Variants in PDE7B observed in about 807,000 individuals in gnomAD.
PDE7B encodes the protein phosphodiesterase 7B.
PDE7B carries 29 observed loss-of-function variants against 56.2 expected under a neutral mutation model. The observed-to-expected ratio is 0.52, with a 90% CI of 0.38 to 0.70. The LOEUF is 0.70. Ranked by LOEUF, PDE7B falls within the 30% of genes least tolerant of loss-of-function variation. PDE7B has a pLI of 0.00. For missense variants in PDE7B, 490 were observed against 565.0 expected (o/e 0.87, Z 1.35); for synonymous variants, 197 against 196.9 (o/e 1.00, Z 0.00).
chr6:136,155,960 G>C (rs1164793628), intron 8 of PDE7B: 1 of 697,812 alleles, frequency 1.4e-6, no homozygotes. Context: ...CTTAATCCCA[G>C]TTTGAAAGAG....
At chr6:135,852,945 A>C (rs912471734) in intron 1 of PDE7B, among the ~76,000 whole-genome samples, 1 of 152,242 alleles carries the variant, frequency 6.6e-6, no homozygotes, top group Non-Finnish European at 1.5e-5. Context: ...TAAATGCTGC[A>C]GGAAGATTGG....
intron 4 of PDE7B, among the ~76,000 whole-genome samples, chr6:136,148,836 GT>G (rs1778464114): frequency 6.6e-6 from 1 of 152,166 alleles, no homozygotes; most frequent in Non-Finnish European, 1.5e-5. Flanking sequence ...TTAGGTAAAA[GT>G]CTCACGCAAT....
intron 2 of PDE7B, among the ~76,000 whole-genome samples, chr6:136,061,255 T>A (rs1331328331): frequency 3.3e-5 from 5 of 152,224 alleles, no homozygotes; most frequent in African/African-American, 1.2e-4. Context: ...CTGGCTGATA[T>A]ATTGTCTTCA....
At chr6:136,052,617 GC>G (rs11400308) in intron 2 of PDE7B, among the ~76,000 whole-genome samples, 6 of 142,794 alleles carry the variant, frequency 4.2e-5, no homozygotes, top group African/African-American at 1.3e-4. Context: ...TTAGGGTACA[GC>G]CCCCCCCCAC....
intron 3 of PDE7B, among the ~76,000 whole-genome samples, chr6:136,123,548 G>A (rs1406194595): frequency 6.6e-6 from 1 of 152,176 alleles, no homozygotes; most frequent in Non-Finnish European, 1.5e-5. Flanking sequence ...TATATTAAAG[G>A]ACAAGCAAGT....
chr6:136,060,304 T>C (rs1776815100), intron 2 of PDE7B, among the ~76,000 whole-genome samples: 1 of 152,140 alleles, frequency 6.6e-6, no homozygotes, highest in South Asian at 2.1e-4. Flanking sequence ...ATTTGTTATT[T>C]TTTCCTCTCC....
intron 8 of PDE7B, among the ~76,000 whole-genome samples, chr6:136,168,349 C>T (rs1043051241): frequency 2.0e-5 from 3 of 152,016 alleles, no homozygotes; most frequent in Non-Finnish European, 4.4e-5. Context: ...TACAGGGATC[C>T]GTTGTGGGGT....
chr6:135,980,131 A>G (rs981370876), intron 2 of PDE7B, among the ~76,000 whole-genome samples: 7 of 152,196 alleles, frequency 4.6e-5, no homozygotes, highest in African/African-American at 1.7e-4. Flanking sequence ...CTCAGAAATA[A>G]CGCTGCATAT....
intron 3 of PDE7B, among the ~76,000 whole-genome samples, chr6:136,142,321 A>AG (rs1778339898): frequency 6.6e-6 from 1 of 152,158 alleles, no homozygotes; most frequent in African/African-American, 2.4e-5. Context: ...TCTGAGAGAC[A>AG]GTTTGTTATA....
At chr6:135,973,162 G>A (rs147831215) in intron 2 of PDE7B, among the ~76,000 whole-genome samples, 3 of 151,084 alleles carry the variant, frequency 2.0e-5, no homozygotes, top group South Asian at 2.1e-4. Flanking sequence ...GGAAACCACC[G>A]GTATTCTACT....
At chr6:135,874,177 A>G (rs1775445554) in intron 1 of PDE7B, among the ~76,000 whole-genome samples, 1 of 152,170 alleles carries the variant, frequency 6.6e-6, no homozygotes, top group South Asian at 2.1e-4. Context: ...GAATGTTCAC[A>G]GCAGAGGACA....
chr6:136,034,995 G>A (rs998575642), intron 2 of PDE7B: 3 of 113,902 alleles, frequency 2.6e-5, no homozygotes, highest in Non-Finnish European at 4.1e-5. Context: ...GACTTTGTTA[G>A]TTCTCATTAT....
At chr6:135,983,500 A>C (rs1279343707) in intron 2 of PDE7B, among the ~76,000 whole-genome samples, 2 of 152,208 alleles carry the variant, frequency 1.3e-5, no homozygotes, top group Non-Finnish European at 2.9e-5. Flanking sequence ...CGAGTACTTG[A>C]ATCCTTAGTG....
At chr6:135,951,122 A>G (rs541949633) in intron 2 of PDE7B, among the ~76,000 whole-genome samples, 1 of 152,334 alleles carries the variant, frequency 6.6e-6, no homozygotes, top group South Asian at 2.1e-4. Context: ...TGATCAAGTT[A>G]AACACCAAAT....
chr6:136,177,977 T>G (rs1388144579), intron 9 of PDE7B, among the ~76,000 whole-genome samples: 4 of 152,162 alleles, frequency 2.6e-5, no homozygotes, highest in Admixed American at 6.5e-5. Context: ...CTACACATCA[T>G]GAAGGAATTT....
Position 136,080,916 on chromosome 6 carries a change from G to A in PDE7B, c.83-27815G>A, listed in dbSNP as rs558592026. Among the ~76,000 whole-genome samples the A allele has an allele frequency of 5.9e-5, 9 of 152,282 alleles. No individual in the cohort carries two copies. In the East Asian group the frequency reaches 1.5e-3, roughly 26 times the overall value. On this transcript the variant is annotated intron_variant, in intron 2 of 12. Transcript: ENST00000308191. ...AAAAGGGGCGAGGGGAATGTGGTCT[G>A]GGAAAGCTTCCTTCAGGAGAAGATA...
chr6:135,967,161 A>C (rs1377999105), intron 2 of PDE7B, among the ~76,000 whole-genome samples: 1 of 152,162 alleles, frequency 6.6e-6, no homozygotes, highest in East Asian at 1.9e-4. Context: ...TATAATGGGT[A>C]GATTCAATTG....
At chr6:136,176,082 GCTATTT>G (rs1778972284) in intron 9 of PDE7B, among the ~76,000 whole-genome samples, 2 of 151,796 alleles carry the variant, frequency 1.3e-5, no homozygotes, top group African/African-American at 4.8e-5. Context: ...GCTGATCATT[GCTATTT>G]CTTTAGAGAA....
In PDE7B at chr6:136,194,215, G is replaced by A. The variant is rs534824111; in HGVS notation, c.*2375G>A. 6.6e-6 allele frequency: 1 copy of A among 152,230 alleles called. No homozygotes were observed. The highest frequency in any genetic ancestry group is 6.5e-5 in the Admixed American group (1 of 15,288). 9.4% of individuals were successfully genotyped at this position (152,230 alleles called of 1,614,324 possible). On this transcript the variant is annotated 3_prime_UTR_variant, in exon 13 of 13. Coordinates refer to ENST00000308191, the MANE Select transcript of PDE7B (RefSeq NM_018945.4). ...CAAGAAAAGTAGAGGTAGGAAAGAA[G>A]ACACTATTTTAGCTAATGGGGTTTC... is the stretch of plus-strand genomic sequence containing the variant.
Sources: gnomAD v4.1 joint callset for allele counts (sites outside exome capture counted in the v4.1 genomes callset) on GRCh38, gnomAD v4.1.1 for gene constraint, MANE v1.5 for transcripts, NCBI Gene and HGNC (gene_info 2026-07-23, HGNC 2026-07-21) for gene names.